ZFHX3: variants seen among roughly 807,000 people sequenced by gnomAD.
The protein encoded by ZFHX3 is zinc finger homeobox protein 3.
ZFHX3 carries 42 observed loss-of-function variants against 279.1 expected under a neutral mutation model. That is an observed-to-expected ratio of 0.15 (90% CI 0.12 to 0.19). ZFHX3 has a LOEUF of 0.19. Ranked by LOEUF, ZFHX3 falls within the 10% of genes least tolerant of loss-of-function variation. The pLI, the probability that ZFHX3 is intolerant of heterozygous loss-of-function variation, is 1.00. For synonymous variants in ZFHX3, 2,293 were observed against 1,957.8 expected (o/e 1.17, Z -4.52); for missense variants, 4,981 against 4,754.0 (o/e 1.05, Z -1.40).
chr16:73,214,382 A>AT (rs917422915), intron 5 of ZFHX3, among the ~76,000 whole-genome samples: 101 of 150,838 alleles, frequency 6.7e-4, no homozygotes, highest in African/African-American at 1.6e-3. Context: ...GTGACTGTGA[A>AT]TTTTTTTTTT....
rs184709694 is a variant in ZFHX3, at chr16:73,464,788, C to T, written c.-1546-8530G>A. On this transcript the variant is annotated intron_variant, in intron 2 of 17. Transcript: ENST00000641206. The stretch of plus-strand genomic sequence containing the variant: ...CAAGGGGCTTGGGGTCCAACTTAGT[C>T]CCAGACCCGCCTTTGGGTCCTTCTC... Among the ~76,000 whole-genome samples, 5 of 152,334 alleles carry T rather than the reference C, an allele frequency of 3.3e-5. No individual in the cohort carries two copies. In the East Asian group the frequency reaches 9.7e-4, roughly 29 times the overall value.
intron 3 of ZFHX3, among the ~76,000 whole-genome samples, chr16:73,326,222 A>G (rs1351489343): frequency 6.6e-6 from 1 of 152,200 alleles, no homozygotes; most frequent in African/African-American, 2.4e-5. Flanking sequence ...ATAAAGAATA[A>G]TATATCATAT....
At chr16:73,784,816 T>TATATATATATATATACACAC (rs1555501460) in intron 1 of ZFHX3, among the ~76,000 whole-genome samples, 6 of 135,530 alleles carry the variant, frequency 4.4e-5, no homozygotes, top group African/African-American at 1.7e-4. Context: ...TATATATATA[T>TATATATATATATATACACAC]ACACACACAC....
intron 4 of ZFHX3, among the ~76,000 whole-genome samples, chr16:72,834,013 G>A (rs547414110): frequency 2.0e-5 from 3 of 152,270 alleles, no homozygotes; most frequent in East Asian, 3.9e-4. Context: ...TTGAGAGGCC[G>A]AGGTAGGTGG....
chr16:73,553,960 C>T (rs759017706), intron 2 of ZFHX3, among the ~76,000 whole-genome samples: 1 of 152,172 alleles, frequency 6.6e-6, no homozygotes, highest in Non-Finnish European at 1.5e-5. Flanking sequence ...TGATAAATGG[C>T]GGCTGCATTT....
chr16:73,010,400 T>C (rs1161316383), intron 1 of ZFHX3, among the ~76,000 whole-genome samples: 30 of 152,202 alleles, frequency 2.0e-4, no homozygotes, highest in Admixed American at 2.0e-3. Flanking sequence ...TTTGGCCCAT[T>C]CCCTAGCAAA....
At chr16:73,729,188 C>G (rs1250865692) in intron 1 of ZFHX3, among the ~76,000 whole-genome samples, 1 of 152,214 alleles carries the variant, frequency 6.6e-6, no homozygotes, top group Non-Finnish European at 1.5e-5. Context: ...CACTTCACCA[C>G]ACCCACTGCT....
rs373880184 is a variant in ZFHX3, at chr16:72,786,934, CTTT to C, written c.*227_*229del. 235 of 207,412 alleles carry C rather than the reference CTTT, an allele frequency of 1.1e-3. No homozygotes were observed. The highest frequency in any genetic ancestry group is 3.0e-3 in the Middle Eastern group (2 of 670). The allele number at this position is 207,412 out of a possible 1,614,324, so 12.8% of individuals were successfully genotyped here. A position where few individuals can be genotyped will look rare whatever the true frequency, so the allele number is the denominator to read the frequency against. On this transcript the variant is annotated 3_prime_UTR_variant, in exon 10 of 10. Coordinates refer to ENST00000268489, the MANE Select transcript of ZFHX3 (RefSeq NM_006885.4). ...AGGACACAATGTAACAGGGTTAGGG[CTTT>C]TTTTTTTTTTTTAATATTAAAAGAA...
intron 5 of ZFHX3, among the ~76,000 whole-genome samples, chr16:72,827,996 C>G (rs1272250435): frequency 6.6e-6 from 1 of 152,216 alleles, no homozygotes; most frequent in Non-Finnish European, 1.5e-5. Flanking sequence ...TCTCTAATTT[C>G]TCTTTTCTAG....
At chr16:73,251,554 G>A (rs909037952) in intron 5 of ZFHX3, among the ~76,000 whole-genome samples, 9 of 152,094 alleles carry the variant, frequency 5.9e-5, no homozygotes, top group Non-Finnish European at 7.3e-5. Context: ...TCGCTACACC[G>A]TGACCCCAGA....
chr16:73,330,568 A>G (rs1214314502), intron 3 of ZFHX3, among the ~76,000 whole-genome samples: 1 of 152,186 alleles, frequency 6.6e-6, no homozygotes, highest in African/African-American at 2.4e-5. Context: ...GCCTTCTTTA[A>G]GACACAGATG....
chr16:73,874,445 C>T (rs1188931175), intron 1 of ZFHX3, among the ~76,000 whole-genome samples: 2 of 152,164 alleles, frequency 1.3e-5, no homozygotes, highest in Admixed American at 1.3e-4. Flanking sequence ...CACTAGTCAT[C>T]ATTTTTTATT....
At chr16:73,273,195 C>T (rs1237754639) in intron 4 of ZFHX3, among the ~76,000 whole-genome samples, 2 of 152,038 alleles carry the variant, frequency 1.3e-5, no homozygotes, top group African/African-American at 4.8e-5. Context: ...TCACCTGCTA[C>T]AAGGAGGAAG....
intron 4 of ZFHX3, among the ~76,000 whole-genome samples, chr16:72,861,715 A>G (rs62053163): frequency 0.026 from 3,957 of 152,268 alleles, 80 homozygotes; most frequent in Non-Finnish European, 0.039. Context: ...TAAAATTTGC[A>G]CAAGAATAGA....
chr16:73,884,134 G>A (rs376298195), intron 1 of ZFHX3, among the ~76,000 whole-genome samples: 51 of 152,152 alleles, frequency 3.4e-4, no homozygotes, highest in Admixed American at 9.8e-4. Flanking sequence ...TATACTACTC[G>A]CATATTGAAA....
rs146627108 is a variant in ZFHX3, at chr16:73,841,659, G to A, written c.-1608+49992C>T. 6.6e-5 allele frequency among the ~76,000 whole-genome samples: 10 copies of A among 152,204 alleles called. No individual in the cohort carries two copies. The East Asian group carries it at 1.7e-3, about 26-fold the overall frequency. On this transcript the variant is annotated intron_variant, in intron 1 of 17. Coordinates refer to the ZFHX3 transcript ENST00000641206. The stretch of plus-strand genomic sequence containing the variant: ...GCTGAGATCCCTCCACCACCCATCC[G>A]GGAGCTCTCTTGGAGAAGAGCAGAG...
chr16:73,044,190 C>T (rs1207028708), intron 1 of ZFHX3, among the ~76,000 whole-genome samples: 1 of 152,100 alleles, frequency 6.6e-6, no homozygotes, highest in Non-Finnish European at 1.5e-5. Context: ...CTGAGCTGTG[C>T]TGTGATTTCT....
chr16:73,629,791 T>C (rs549685127), intron 2 of ZFHX3, among the ~76,000 whole-genome samples: 1 of 152,190 alleles, frequency 6.6e-6, no homozygotes, highest in Admixed American at 6.5e-5. Context: ...TTGGAAATCC[T>C]ACTAGTTAAA....
chr16:73,780,072 G>T (rs1402672870), intron 1 of ZFHX3, among the ~76,000 whole-genome samples: 1 of 138,262 alleles, frequency 7.2e-6, no homozygotes, highest in Non-Finnish European at 1.5e-5. Context: ...TGCCACCAGG[G>T]ACTCCTTCCT....
Sources: gnomAD v4.1 joint callset for allele counts (sites outside exome capture counted in the v4.1 genomes callset) on GRCh38, gnomAD v4.1.1 for gene constraint, MANE v1.5 for transcripts, NCBI Gene and HGNC (gene_info 2026-07-23, HGNC 2026-07-21) for gene names.